Variants in CHRM2 observed in about 807,000 individuals in gnomAD.
CHRM2 encodes muscarinic acetylcholine receptor M2.
A neutral mutation model predicts 25.0 loss-of-function variants in CHRM2; 8 were observed. The observed-to-expected ratio is 0.32, with a 90% CI of 0.19 to 0.58. The LOEUF (loss-of-function observed/expected upper bound fraction) is 0.58. CHRM2 is among the 20% of genes least tolerant of loss of function. The probability of loss-of-function intolerance (pLI) is 0.88; values close to 1 mark genes in which losing one functional copy is unlikely to be tolerated. For missense variants in CHRM2, 440 were observed against 567.1 expected (o/e 0.78, Z 2.28); for synonymous variants, 202 against 205.7 (o/e 0.98, Z 0.15).
chr7:136,874,063 A>G (rs1272231596), intron 2 of CHRM2, among the ~76,000 whole-genome samples: 1 of 152,224 alleles, frequency 6.6e-6, no homozygotes, highest in Non-Finnish European at 1.5e-5. Flanking sequence ...GACTTTTTCA[A>G]GGTGACACAG....
At chr7:136,938,367 G>A in intron 2 of CHRM2, 2 of 1,586,224 alleles carry the variant, frequency 1.3e-6, no homozygotes, top group Non-Finnish European at 1.7e-6. Context: ...GGCTCCACTT[G>A]GTCTCCAGCA....
chr7:136,896,174 C>T (rs555078304), intron 2 of CHRM2, among the ~76,000 whole-genome samples: 2 of 152,138 alleles, frequency 1.3e-5, no homozygotes, highest in Admixed American at 6.5e-5. Context: ...CATTCATCTG[C>T]GCTCCAGTCT....
intron 2 of CHRM2, among the ~76,000 whole-genome samples, chr7:136,926,510 G>A (rs1798759206): frequency 6.6e-6 from 1 of 152,050 alleles, no homozygotes; most frequent in Admixed American, 6.5e-5. Context: ...TCAGATCTTG[G>A]ACTTTGCAAC....
chr7:136,870,561 A>C (rs1324698392), intron 2 of CHRM2: 4 of 152,434 alleles, frequency 2.6e-5, no homozygotes, highest in African/African-American at 9.7e-5. Flanking sequence ...CCTGAGATAC[A>C]GAATTGTCCC....
At position 137,016,054 on chromosome 7, in the gene CHRM2, A is replaced by T; in HGVS notation, c.1189A>T (p.Ile397Phe). 3 of 1,612,786 alleles carry T rather than the reference A, an allele frequency of 1.9e-6. No homozygotes were observed. Among genetic ancestry groups the T allele is most frequent in the South Asian group, 1.1e-5 (1 of 91,018 alleles). The change falls in exon 4 of 4, where the codon ATC becomes TTC. Residue 397 changes from isoleucine (I) to phenylalanine (F), a missense_variant. Physicochemically the swap from Ile to Phe is conservative, Grantham distance 21. Transcript: ENST00000680005. ...RTILAILLAF[I>F]ITWAPYNVMV... ...AATCTTGGCTATTCTGTTGGCTTTC[A>T]TCATCACTTGGGCCCCATACAATGT... is the stretch of plus-strand genomic sequence containing the variant.
At chr7:136,948,618 C>T (rs1800209401) in intron 2 of CHRM2, among the ~76,000 whole-genome samples, 2 of 152,086 alleles carry the variant, frequency 1.3e-5, no homozygotes, top group Admixed American at 1.3e-4. Context: ...ACGGATTTGG[C>T]TATGTGGCAG....
In CHRM2 at chr7:137,014,820, G is replaced by A. The variant is rs964086554; in HGVS notation, c.-46G>A. The A allele has an allele frequency of 5.4e-6, 8 of 1,482,800 alleles. No individual in the cohort carries two copies. Among genetic ancestry groups the A allele is most frequent in the Non-Finnish European group, 7.5e-6 (8 of 1,062,440 alleles). The allele number at this position is 1,482,800 out of a possible 1,614,324, so 91.9% of individuals were successfully genotyped here. ...TTAATTTTATTCTATTTCCTTGCAG[G>A]TTTAAATGTTTATTTGCTACTTGGC... On this transcript the variant is annotated splice_region_variant and 5_prime_UTR_variant, in exon 4 of 4. An upstream open reading frame in the 5' UTR loses its in-frame stop. Transcript: ENST00000680005.
chr7:136,939,590 G>A (rs961436814), intron 2 of CHRM2, among the ~76,000 whole-genome samples: 1 of 152,072 alleles, frequency 6.6e-6, no homozygotes, highest in Non-Finnish European at 1.5e-5. Flanking sequence ...ATTCTGGGTT[G>A]GGATGTCAAG....
At chr7:136,896,831 ACT>A (rs1320753377) in intron 2 of CHRM2, among the ~76,000 whole-genome samples, 2 of 152,138 alleles carry the variant, frequency 1.3e-5, no homozygotes, top group Admixed American at 1.3e-4. Flanking sequence ...AGCCTTGGAC[ACT>A]ACTTTAACAA....
intron 3 of CHRM2, among the ~76,000 whole-genome samples, chr7:137,008,054 T>C (rs1339904227): frequency 6.6e-6 from 1 of 152,100 alleles, no homozygotes. Flanking sequence ...TATACCTGAA[T>C]GGTCATCTCT....
At chr7:136,974,656 T>TA (rs1391953551) in intron 2 of CHRM2, among the ~76,000 whole-genome samples, 1 of 152,136 alleles carries the variant, frequency 6.6e-6, no homozygotes, top group African/African-American at 2.4e-5. Flanking sequence ...TGTGGGAGAA[T>TA]ACAGTACTGA....
chr7:136,944,672 C>T (rs1320906575), intron 2 of CHRM2, among the ~76,000 whole-genome samples: 1 of 152,060 alleles, frequency 6.6e-6, no homozygotes, highest in African/African-American at 2.4e-5. Flanking sequence ...GACTTTTTCC[C>T]TCTGGTTGAC....
chr7:136,881,436 AG>A (rs1796262560), intron 2 of CHRM2, among the ~76,000 whole-genome samples: 1 of 151,908 alleles, frequency 6.6e-6, no homozygotes, highest in Non-Finnish European at 1.5e-5. Context: ...GATAAATTTT[AG>A]CCAGGCATTA....
chr7:137,006,483 G>A (rs1056783084), intron 3 of CHRM2, among the ~76,000 whole-genome samples: 5 of 151,992 alleles, frequency 3.3e-5, no homozygotes, highest in Admixed American at 6.6e-5. Context: ...ATAGTATTAC[G>A]TTTGACAGGC....
At chr7:136,921,939 G>A (rs1798472003) in intron 2 of CHRM2, among the ~76,000 whole-genome samples, 1 of 151,902 alleles carries the variant, frequency 6.6e-6, no homozygotes, top group Admixed American at 6.6e-5. Flanking sequence ...GCTAATTTTT[G>A]TATTTCTAGT....
chr7:136,999,949 G>A (rs1288004025), intron 3 of CHRM2, among the ~76,000 whole-genome samples: 13 of 151,468 alleles, frequency 8.6e-5, no homozygotes, highest in Non-Finnish European at 2.9e-5. Flanking sequence ...GGAATAAGTA[G>A]AGCAAAGCTA....
chr7:136,896,612 AG>A (rs749031332), intron 2 of CHRM2, among the ~76,000 whole-genome samples: 53 of 152,096 alleles, frequency 3.5e-4, no homozygotes, highest in Admixed American at 1.6e-3. Context: ...GTGTATTCAG[AG>A]TGAGTCTAAC....
rs142533557 is a variant in CHRM2, at chr7:136,872,190, C to G, written c.-125+2772C>G. On this transcript the variant is annotated intron_variant, in intron 2 of 3. Transcript: ENST00000680005. The stretch of plus-strand genomic sequence containing the variant: ...TTCATTTTCCTATAAAATAAAGAGG[C>G]ATGTTTGTTTGTAGAAGGGTGCTTG... 1.1e-3 allele frequency among the ~76,000 whole-genome samples: 169 copies of G among 152,188 alleles called. 1 individual carries two copies. The East Asian group carries it at 0.03, about 27-fold the overall frequency.
At chr7:136,996,551 T>A (rs56118357) in intron 3 of CHRM2, among the ~76,000 whole-genome samples, 8,294 of 152,260 alleles carry the variant, frequency 0.054, 347 homozygotes, top group Non-Finnish European at 0.081. Context: ...CTTTGGCCAA[T>A]GATCTCATTT....
Sources: allele counts gnomAD v4.1 joint callset (sites outside exome capture counted in the v4.1 genomes callset), GRCh38; gene constraint gnomAD v4.1.1; transcripts MANE v1.5; gene names NCBI Gene and HGNC (gene_info 2026-07-23, HGNC 2026-07-21).